Variants in GALNT13 observed in about 807,000 individuals in gnomAD.
GALNT13 encodes the protein polypeptide N-acetylgalactosaminyltransferase 13.
In GALNT13, 28 loss-of-function variants were observed where a neutral mutation model predicts 64.2. That is an observed-to-expected ratio of 0.44 (90% CI 0.32 to 0.60). GALNT13 has a LOEUF of 0.60. Among genes scored for constraint, GALNT13 ranks in the 20% least tolerant of loss-of-function variants. The pLI is 0.05. For synonymous variants in GALNT13, 214 were observed against 224.6 expected (o/e 0.95, Z 0.42); for missense variants, 577 against 669.8 (o/e 0.86, Z 1.53).
the GALNT13 span, among the ~76,000 whole-genome samples, chr2:153,629,604 T>C: frequency 3.9e-5 from 6 of 152,240 alleles, no homozygotes; most frequent in Admixed American, 6.5e-5. Context: ...ACTTCATGTC[T>C]AAAACACCAA....
chr2:153,584,646 G>A, the GALNT13 span, among the ~76,000 whole-genome samples: 9 of 152,260 alleles, frequency 5.9e-5, no homozygotes, highest in East Asian at 1.4e-3. Context: ...ATATTGGCTT[G>A]CCAGGAGCCA....
chr2:153,327,393 T>C, the GALNT13 span, among the ~76,000 whole-genome samples: 1 of 152,132 alleles, frequency 6.6e-6, no homozygotes, highest in African/African-American at 2.4e-5. Context: ...TGCTGAAGAG[T>C]GTTTTCCAAC....
chr2:153,418,671 A>G, the GALNT13 span, among the ~76,000 whole-genome samples: 1 of 152,172 alleles, frequency 6.6e-6, no homozygotes, highest in African/African-American at 2.4e-5. Flanking sequence ...TGGACTATAG[A>G]GAAAGCCAAA....
intron 4 of GALNT13, among the ~76,000 whole-genome samples, chr2:154,233,037 C>CAAAAAAAAAA (rs375484057): frequency 1.5e-4 from 9 of 59,016 alleles, no homozygotes; most frequent in African/African-American, 2.9e-4. Context: ...GACCCTGTCT[C>CAAAAAAAAAA]AAAAAAAAAA....
At chr2:153,815,791 C>G in the GALNT13 span, among the ~76,000 whole-genome samples, 1 of 152,094 alleles carries the variant, frequency 6.6e-6, no homozygotes, top group Non-Finnish European at 1.5e-5. Context: ...GTCTCAATTT[C>G]TATTGTTTGG....
the GALNT13 span, among the ~76,000 whole-genome samples, chr2:153,190,798 G>A: frequency 0.061 from 9,271 of 151,864 alleles, 315 homozygotes; most frequent in East Asian, 0.099. Flanking sequence ...CACATCTTTG[G>A]TTAAATTTAT....
chr2:153,250,180 C>T, the GALNT13 span, among the ~76,000 whole-genome samples: 1 of 152,030 alleles, frequency 6.6e-6, no homozygotes, highest in Non-Finnish European at 1.5e-5. Flanking sequence ...GGAACTTAAA[C>T]AAATTTACAA....
At chr2:153,534,578 C>T in the GALNT13 span, among the ~76,000 whole-genome samples, 9 of 139,394 alleles carry the variant, frequency 6.5e-5, no homozygotes, top group Non-Finnish European at 1.0e-4. Flanking sequence ...TGGGTGCAGG[C>T]GGGCCAAGTC....
chr2:153,401,233 C>G, the GALNT13 span, among the ~76,000 whole-genome samples: 216 of 150,852 alleles, frequency 1.4e-3, no homozygotes, highest in African/African-American at 4.8e-3. Context: ...TAGTTGAGCG[C>G]TTTTGAATGA....
At chr2:154,252,341 ATTTTATT>A (rs1340804807) in intron 7 of GALNT13, among the ~76,000 whole-genome samples, 1 of 149,266 alleles carries the variant, frequency 6.7e-6, no homozygotes, top group Non-Finnish European at 1.5e-5. Context: ...ATTTTAATTT[ATTTTATT>A]TTATTATTAT....
At chr2:153,546,295 T>G in the GALNT13 span, among the ~76,000 whole-genome samples, 1 of 152,212 alleles carries the variant, frequency 6.6e-6, no homozygotes, top group African/African-American at 2.4e-5. Context: ...GTTGGAAGAA[T>G]GATTGAAGAA....
chr2:153,792,768 G>A, the GALNT13 span, among the ~76,000 whole-genome samples: 1 of 151,996 alleles, frequency 6.6e-6, no homozygotes, highest in Non-Finnish European at 1.5e-5. Context: ...CTGTCATTGA[G>A]AGAAATTCCT....
intron 3 of GALNT13, among the ~76,000 whole-genome samples, chr2:154,079,852 G>T (rs1172865263): frequency 2.6e-5 from 4 of 151,544 alleles, no homozygotes; most frequent in Non-Finnish European, 4.4e-5. Flanking sequence ...GAAAATTAAA[G>T]CAAAGTAAAA....
rs59409947 is a variant in GALNT13, at chr2:153,931,066, A to AGTGTGTGTGT, written c.-104-13299_-104-13290dup. ...GGGTAGCTGTATTGCTGTATTCCTA[A>AGTGTGTGTGT]GTGTGTGTGTGTGTGTGTGTGTGTG... On this transcript the variant is annotated intron_variant, in intron 2 of 12. Coordinates refer to ENST00000392825, the MANE Select transcript of GALNT13 (RefSeq NM_052917.4). Among the ~76,000 whole-genome samples, 1,263 of 138,260 alleles carry AGTGTGTGTGT rather than the reference A, an allele frequency of 9.1e-3. 14 individuals are homozygous for AGTGTGTGTGT. Among genetic ancestry groups the AGTGTGTGTGT allele is most frequent in the East Asian group, 0.06 (268 of 4,462 alleles). The allele number at this position is 138,260 out of a possible 152,430, so 90.7% of individuals were successfully genotyped here.
the GALNT13 span, among the ~76,000 whole-genome samples, chr2:153,823,337 C>T: frequency 2.2e-4 from 33 of 152,018 alleles, no homozygotes; most frequent in Admixed American, 1.4e-3. Context: ...GTGAAAAGAC[C>T]GAAACCAGAG....
chr2:153,693,937 G>A, the GALNT13 span, among the ~76,000 whole-genome samples: 1 of 152,022 alleles, frequency 6.6e-6, no homozygotes, highest in East Asian at 1.9e-4. Context: ...AACCCTGTCT[G>A]TACTAAAATT....
chr2:153,287,300 G>A, the GALNT13 span, among the ~76,000 whole-genome samples: 1 of 152,132 alleles, frequency 6.6e-6, no homozygotes, highest in African/African-American at 2.4e-5. Context: ...ACAAGCCCCC[G>A]AAACCCCGGT....
the GALNT13 span, among the ~76,000 whole-genome samples, chr2:153,809,829 G>A: frequency 2.6e-5 from 4 of 151,928 alleles, no homozygotes; most frequent in Non-Finnish European, 5.9e-5. Flanking sequence ...TTACATACTC[G>A]ATCCCATCTT....
At chr2:154,324,221 A>C (rs977592927) in intron 9 of GALNT13, among the ~76,000 whole-genome samples, 2 of 151,688 alleles carry the variant, frequency 1.3e-5, no homozygotes, top group Non-Finnish European at 2.9e-5. Context: ...AATTTTTTTT[A>C]GAACATATTT....
Sources: allele counts gnomAD v4.1 joint callset (sites outside exome capture counted in the v4.1 genomes callset), GRCh38; gene constraint gnomAD v4.1.1; transcripts MANE v1.5; gene names NCBI Gene and HGNC (gene_info 2026-07-23, HGNC 2026-07-21).